Variants in GALNT18 observed in about 807,000 individuals in gnomAD.
The protein encoded by GALNT18 is GalNAc-transferase 18.
Under a neutral mutation model 69.5 loss-of-function variants are expected in GALNT18, and 44 were observed. The ratio of observed to expected loss-of-function variants is 0.63; its 90% CI spans 0.50 to 0.81. The LOEUF (loss-of-function observed/expected upper bound fraction) is 0.81. Ranked by LOEUF, GALNT18 falls within the 40% of genes least tolerant of loss-of-function variation. GALNT18 has a pLI of 0.00. For synonymous variants in GALNT18, 364 were observed against 318.2 expected (o/e 1.14, Z -1.53); for missense variants, 715 against 810.0 (o/e 0.88, Z 1.42).
chr11:11,500,574 C>T lies in GALNT18; in HGVS notation c.236-51638G>A, dbSNP rs1856954528. Among the ~76,000 whole-genome samples, 1 of 152,156 alleles carries T rather than the reference C, an allele frequency of 6.6e-6. No homozygotes were observed. The highest frequency in any genetic ancestry group is 1.5e-5 in the Non-Finnish European group (1 of 68,036). On this transcript the variant is annotated intron_variant, in intron 1 of 10. Transcript: ENST00000227756. This position sits in a 1 kb window ranked among gnomAD's most constrained non-coding sequence, Gnocchi z 5.0. ...AAGGCAGCAGGGATGCTGGCAAGCACCGGTCATCATCCTGCAGGATACAGG... is the reference window on the plus strand; with the variant it reads ...AAGGCAGCAGGGATGCTGGCAAGCATCGGTCATCATCCTGCAGGATACAGG...
In GALNT18 at chr11:11,377,437, A is replaced by T. The variant is rs1853794172; in HGVS notation, c.780-58T>A. 1 of 1,499,816 alleles carries T rather than the reference A, an allele frequency of 6.7e-7. No homozygotes were observed. The highest frequency in any genetic ancestry group is 1.1e-5 in the South Asian group (1 of 88,134). The allele number at this position is 1,499,816 out of a possible 1,614,324, so 92.9% of individuals were successfully genotyped here. A position where few individuals can be genotyped will look rare whatever the true frequency, so the allele number is the denominator to read the frequency against. ...CCATTTCCAAGGTGGAAAAATCCAG[A>T]GTAGCATCTCCTGAAGGTCCTTCCC... On this transcript the variant is annotated intron_variant, in intron 4 of 10. Transcript: ENST00000227756. This position sits in a 1 kb window ranked among gnomAD's most constrained non-coding sequence, Gnocchi z 4.6.
chr11:11,468,703 G>A (rs1010078996), intron 1 of GALNT18, among the ~76,000 whole-genome samples: 4 of 152,082 alleles, frequency 2.6e-5, no homozygotes, highest in Admixed American at 6.6e-5. Flanking sequence ...TAAGATTCTC[G>A]GGTCTGGGGG....
At chr11:11,471,211 T>C (rs1278497022) in intron 1 of GALNT18, among the ~76,000 whole-genome samples, 3 of 152,178 alleles carry the variant, frequency 2.0e-5, no homozygotes, top group African/African-American at 4.8e-5. Context: ...ACCTCTCTCA[T>C]GGTTGCAGCA....
intron 10 of GALNT18, among the ~76,000 whole-genome samples, chr11:11,273,326 A>G (rs1413459366): frequency 6.6e-6 from 1 of 152,080 alleles, no homozygotes; most frequent in African/African-American, 2.4e-5. Context: ...TAACCAAGAT[A>G]CATAAGAAGT....
At position 11,355,140 on chromosome 11, in the gene GALNT18, A is replaced by G. The variant is rs138966294; in HGVS notation, c.1093-14136T>C. 5.0e-4 allele frequency among the ~76,000 whole-genome samples: 76 copies of G among 152,308 alleles called. 1 individual carries two copies. In the East Asian group the frequency reaches 6.2e-3, roughly 12 times the overall value. On this transcript the variant is annotated intron_variant, in intron 6 of 10. Transcript: ENST00000227756. ...ATTGCCCTCCAATCCACTTTTTAAA[A>G]TTATACATCAGAGCATGTCCCTCCT... is the stretch of plus-strand genomic sequence containing the variant.
intron 9 of GALNT18, among the ~76,000 whole-genome samples, chr11:11,310,395 C>A (rs1049590032): frequency 6.6e-6 from 1 of 152,150 alleles, no homozygotes; most frequent in Non-Finnish European, 1.5e-5. Context: ...ACCTGGAGTG[C>A]CCCAAGAAAA....
rs950225448 is a variant in GALNT18, at chr11:11,596,901, A to G, written c.235+24458T>C. 2.0e-5 allele frequency among the ~76,000 whole-genome samples: 3 copies of G among 152,154 alleles called. No homozygotes were observed. The highest frequency in any genetic ancestry group is 7.2e-5 in the African/African-American group (3 of 41,448). On this transcript the variant is annotated intron_variant, in intron 1 of 10. Transcript: ENST00000227756. The surrounding 1 kb of genome is among the most constrained non-coding windows in gnomAD (Gnocchi z 4.2). ...TACTGAATGATCTTAATGGTCATTC[A>G]GTCTTTGACCATTAAGTATGATGTT...
chr11:11,272,744 A>C (rs1209589470), intron 10 of GALNT18, among the ~76,000 whole-genome samples: 2 of 151,888 alleles, frequency 1.3e-5, no homozygotes, highest in Admixed American at 6.6e-5. Context: ...CCCATGCCCC[A>C]CCTCCACTTC....
At chr11:11,522,997 A>G (rs1034230924) in intron 1 of GALNT18, among the ~76,000 whole-genome samples, 4 of 152,248 alleles carry the variant, frequency 2.6e-5, no homozygotes, top group African/African-American at 9.6e-5. Context: ...GACTGAGCGC[A>G]GTGCAGTCCA....
chr11:11,309,816 C>A lies in GALNT18; in HGVS notation c.1513-16623G>T, dbSNP rs116917728. 1.8e-3 allele frequency among the ~76,000 whole-genome samples: 267 copies of A among 152,272 alleles called. 4 individuals are homozygous for A. The East Asian group carries it at 0.044, about 25-fold the overall frequency. ...TATGCTTCAGTTGCAAGACAGCCTG[C>A]AAACTTGTTCCTCCTGGGCCTCAGC... On this transcript the variant is annotated intron_variant, in intron 9 of 10. Coordinates refer to ENST00000227756, the MANE Select transcript of GALNT18 (RefSeq NM_198516.3). The surrounding 1 kb of genome is among the most constrained non-coding windows in gnomAD (Gnocchi z 4.6).
chr11:11,284,908 G>GTTTTTTTTTTTTTTTGTTTTT (rs1849162243), intron 10 of GALNT18, among the ~76,000 whole-genome samples: 1 of 82,822 alleles, frequency 1.2e-5, no homozygotes, highest in African/African-American at 6.1e-5. Flanking sequence ...AGACTTTCGT[G>GTTTTTTTTTTTTTTTGTTTTT]TTTTTTTTTT....
At position 11,587,097 on chromosome 11, in the gene GALNT18, C is replaced by A. The variant is rs1859246392; in HGVS notation, c.235+34262G>T. On this transcript the variant is annotated intron_variant, in intron 1 of 10. Coordinates refer to ENST00000227756, the MANE Select transcript of GALNT18 (RefSeq NM_198516.3). The surrounding 1 kb of genome is among the most constrained non-coding windows in gnomAD (Gnocchi z 4.4). ...CTTCCAGCACCCATTATCCTGACCC[C>A]TCCCCCAGTATCCAAACCTTCCCCA... Among the ~76,000 whole-genome samples, 1 of 152,192 alleles carries A rather than the reference C, an allele frequency of 6.6e-6. No individual in the cohort carries two copies. Among genetic ancestry groups the A allele is most frequent in the Non-Finnish European group, 1.5e-5 (1 of 68,042 alleles).
rs1243918407 is a variant in GALNT18, at chr11:11,309,894, C to T, written c.1513-16701G>A. Among the ~76,000 whole-genome samples, 2 of 152,146 alleles carry T rather than the reference C, an allele frequency of 1.3e-5. No homozygotes were observed. Among genetic ancestry groups the T allele is most frequent in the African/African-American group, 4.8e-5 (2 of 41,426 alleles). Reference sequence around the variant, plus strand: ...CATCCCACCTCTCCTCACCCTGTCCCCACCCCCAGGGATATTGCTTTGTTA... The same window carrying T: ...CATCCCACCTCTCCTCACCCTGTCCTCACCCCCAGGGATATTGCTTTGTTA... On this transcript the variant is annotated intron_variant, in intron 9 of 10. Transcript: ENST00000227756. The surrounding 1 kb of genome is among the most constrained non-coding windows in gnomAD (Gnocchi z 4.6).
rs1482050174 is a variant in GALNT18 at position 11,368,456 on chromosome 11, G to A, written c.1092+4059C>T. ...ATAGAAATCCTCTCTGGAGAAAGAG[G>A]ATCATCTCCATTTGGAATTATAAGA... On this transcript the variant is annotated intron_variant, in intron 6 of 10. Transcript: ENST00000227756. 2.0e-5 allele frequency among the ~76,000 whole-genome samples: 3 copies of A among 152,218 alleles called. No homozygotes were observed. The East Asian group carries it at 5.8e-4, about 29-fold the overall frequency.
At chr11:11,296,988 G>A (rs1391189924) in intron 9 of GALNT18, among the ~76,000 whole-genome samples, 1 of 152,218 alleles carries the variant, frequency 6.6e-6, no homozygotes, top group African/African-American at 2.4e-5. Context: ...TAAGCTTTCT[G>A]AGCAATGGGG....
intron 1 of GALNT18, among the ~76,000 whole-genome samples, chr11:11,552,060 A>G (rs1311495611): frequency 6.6e-6 from 1 of 152,218 alleles, no homozygotes; most frequent in African/African-American, 2.4e-5. Flanking sequence ...GGCCATCTGG[A>G]TATATACGTG....
intron 1 of GALNT18, among the ~76,000 whole-genome samples, chr11:11,527,979 G>A (rs1299484616): frequency 6.6e-6 from 1 of 152,236 alleles, no homozygotes; most frequent in East Asian, 1.9e-4. Context: ...ACTGTGCTAA[G>A]CACTTAGCAT....
At chr11:11,510,096 A>C (rs899787621) in intron 1 of GALNT18, among the ~76,000 whole-genome samples, 7 of 152,188 alleles carry the variant, frequency 4.6e-5, no homozygotes, top group African/African-American at 1.7e-4. Flanking sequence ...CAGCATGGAA[A>C]ACTCAACACA....
At chr11:11,452,697 G>A (rs370317800) in intron 1 of GALNT18, among the ~76,000 whole-genome samples, 2 of 152,214 alleles carry the variant, frequency 1.3e-5, no homozygotes, top group East Asian at 3.9e-4. Context: ...TCAGAGAAGT[G>A]TCTGGGCTGG....
Sources: gnomAD v4.1 joint callset for allele counts (sites outside exome capture counted in the v4.1 genomes callset) on GRCh38, gnomAD v4.1.1 for gene constraint, Gnocchi (gnomAD v3.1) non-coding constraint, MANE v1.5 for transcripts, NCBI Gene and HGNC (gene_info 2026-07-23, HGNC 2026-07-21) for gene names.